The following NCAM2 variants were observed in gnomAD, a reference collection of about 807,000 sequenced individuals.
NCAM2 encodes neural cell adhesion molecule 2, also known as N-CAM-2.
A neutral mutation model predicts 98.1 loss-of-function variants in NCAM2; 30 were observed. The ratio of observed to expected loss-of-function variants is 0.31; its 90% CI spans 0.23 to 0.41. The LOEUF is 0.41. NCAM2 is among the 10% of genes least tolerant of loss of function. NCAM2 has a pLI of 1.00. For missense variants in NCAM2, 867 were observed against 1,005.8 expected (o/e 0.86, Z 1.87); for synonymous variants, 368 against 342.4 (o/e 1.07, Z -0.83).
At position 21,419,359 on chromosome 21, in the gene NCAM2, GA is replaced by G. The variant is rs1487058186; in HGVS notation, c.1480+791del. Among the ~76,000 whole-genome samples, 4 of 87,090 alleles carry G rather than the reference GA, an allele frequency of 4.6e-5. No individual in the cohort carries two copies. In the South Asian group the frequency reaches 1.0e-3, roughly 23 times the overall value. The allele number at this position is 87,090 out of a possible 152,430, so 57.1% of individuals were successfully genotyped here. On this transcript the variant is annotated intron_variant, in intron 11 of 17. Transcript: ENST00000400546. ...AGGAACGGTCATGGTTTTTTTTTTCGATTTTTTTTTATTATTATACTTTAAG... is the reference window on the plus strand; with the variant it reads ...AGGAACGGTCATGGTTTTTTTTTTCGTTTTTTTTTATTATTATACTTTAAG...
At chr21:21,351,058 G>A (rs1016912688) in intron 8 of NCAM2, among the ~76,000 whole-genome samples, 1 of 137,962 alleles carries the variant, frequency 7.2e-6, no homozygotes, top group Non-Finnish European at 1.5e-5. Flanking sequence ...AGGTTGCAGT[G>A]AGCTGAGATC....
intron 8 of NCAM2, among the ~76,000 whole-genome samples, chr21:21,357,902 A>T (rs1344432916): frequency 6.6e-6 from 1 of 152,184 alleles, no homozygotes; most frequent in East Asian, 1.9e-4. Flanking sequence ...TAATTGAAGG[A>T]ACAATAATAT....
chr21:21,448,855 G>A (rs2146117016), intron 12 of NCAM2, among the ~76,000 whole-genome samples: 1 of 152,138 alleles, frequency 6.6e-6, no homozygotes, highest in East Asian at 1.9e-4. Context: ...TTTGCATGTT[G>A]TGGAAAGGTT....
intron 5 of NCAM2, among the ~76,000 whole-genome samples, chr21:21,314,635 C>A (rs527535515): frequency 8.7e-4 from 133 of 152,034 alleles, no homozygotes; most frequent in Non-Finnish European, 1.3e-3. Context: ...CTAAGAAGTT[C>A]CTGAAGTCTA....
chr21:21,272,945 C>CACACACACACACAG (rs1420108870), intron 1 of NCAM2, among the ~76,000 whole-genome samples: 1 of 134,682 alleles, frequency 7.4e-6, no homozygotes, highest in Non-Finnish European at 1.6e-5. Context: ...CACACACACA[C>CACACACACACACAG]ACACACACAC....
intron 9 of NCAM2, among the ~76,000 whole-genome samples, chr21:21,401,004 C>A (rs1448538697): frequency 6.6e-6 from 1 of 151,952 alleles, no homozygotes; most frequent in Non-Finnish European, 1.5e-5. Context: ...CTCCTAAATT[C>A]TTTAAAGAAA....
intron 7 of NCAM2, among the ~76,000 whole-genome samples, chr21:21,336,393 TAAG>T (rs1272086446): frequency 7.3e-6 from 1 of 137,848 alleles, no homozygotes; most frequent in African/African-American, 2.8e-5. Flanking sequence ...TCTGTTAGAA[TAAG>T]AAGGACTGGG....
chr21:21,493,757 C>A (rs977699969), intron 15 of NCAM2, among the ~76,000 whole-genome samples: 1 of 151,900 alleles, frequency 6.6e-6, no homozygotes, highest in Non-Finnish European at 1.5e-5. Flanking sequence ...GACCTTTTTA[C>A]TATTTCCTAG....
At chr21:21,273,709 TATTA>T (rs1480575969) in intron 1 of NCAM2, among the ~76,000 whole-genome samples, 3 of 152,180 alleles carry the variant, frequency 2.0e-5, no homozygotes, top group Non-Finnish European at 4.4e-5. Flanking sequence ...GGATATACTG[TATTA>T]ATTTGAGAGG....
At chr21:21,240,834 CA>C (rs1367714145) in intron 1 of NCAM2, among the ~76,000 whole-genome samples, 2 of 152,040 alleles carry the variant, frequency 1.3e-5, no homozygotes, top group Non-Finnish European at 2.9e-5. Context: ...CCTCTGAAAA[CA>C]ATGGGGATAA....
At chr21:21,466,262 C>T (rs148693900) in intron 12 of NCAM2, among the ~76,000 whole-genome samples, 2 of 152,044 alleles carry the variant, frequency 1.3e-5, no homozygotes, top group Non-Finnish European at 1.5e-5. Context: ...ACTTGAGACA[C>T]ATACAGAATA....
At chr21:21,226,022 T>C (rs1294800464) in intron 1 of NCAM2, among the ~76,000 whole-genome samples, 1 of 152,088 alleles carries the variant, frequency 6.6e-6, no homozygotes, top group Non-Finnish European at 1.5e-5. Context: ...TGGATGCAGC[T>C]GGAGGCCATT....
intron 1 of NCAM2, among the ~76,000 whole-genome samples, chr21:21,274,585 AAT>A (rs2072653482): frequency 6.6e-6 from 1 of 152,220 alleles, no homozygotes; most frequent in South Asian, 2.1e-4. Flanking sequence ...AACATTTTAA[AAT>A]ATGTTTCAAT....
rs904442945 is a variant in NCAM2 at position 21,040,044 on chromosome 21, A to G, written c.55+41426A>G. On this transcript the variant is annotated intron_variant, in intron 1 of 17. Coordinates refer to ENST00000400546, the MANE Select transcript of NCAM2 (RefSeq NM_004540.5). ...TGTTAAGGGCAACCTTCGCTAGCAC[A>G]TTGTAATTCTCTCTACAGTCCTCTA... Among the ~76,000 whole-genome samples the G allele has an allele frequency of 5.3e-5, 8 of 152,290 alleles. No homozygotes were observed. The East Asian group carries it at 1.5e-3, about 29-fold the overall frequency.
chr21:21,102,663 A>G (rs894891590), intron 1 of NCAM2, among the ~76,000 whole-genome samples: 1 of 3,532 alleles, frequency 2.8e-4, no homozygotes, highest in African/African-American at 1.2e-3. Flanking sequence ...TTGTTAACAT[A>G]TGATTTTTTA....
At chr21:21,061,997 T>G (rs895067571) in intron 1 of NCAM2, among the ~76,000 whole-genome samples, 2 of 152,128 alleles carry the variant, frequency 1.3e-5, no homozygotes, top group Non-Finnish European at 2.9e-5. Context: ...ATATGTAGAT[T>G]GTCTAGACAC....
chr21:21,124,178 A>T (rs1198798109), intron 1 of NCAM2, among the ~76,000 whole-genome samples: 1 of 152,150 alleles, frequency 6.6e-6, no homozygotes, highest in Non-Finnish European at 1.5e-5. Flanking sequence ...CAAGTAGATT[A>T]TCTTTGACAA....
intron 5 of NCAM2, among the ~76,000 whole-genome samples, chr21:21,314,123 G>A (rs763248277): frequency 2.0e-5 from 3 of 151,954 alleles, no homozygotes; most frequent in East Asian, 1.9e-4. Flanking sequence ...TGTAACTCAC[G>A]TTTTATTTCT....
chr21:21,250,618 G>T (rs1036016382), intron 1 of NCAM2, among the ~76,000 whole-genome samples: 1 of 152,056 alleles, frequency 6.6e-6, no homozygotes, highest in Non-Finnish European at 1.5e-5. Flanking sequence ...GAATGGTTTC[G>T]CAGAAGTCAT....
Sources: allele counts gnomAD v4.1 joint callset (sites outside exome capture counted in the v4.1 genomes callset), GRCh38; gene constraint gnomAD v4.1.1; transcripts MANE v1.5; gene names NCBI Gene and HGNC (gene_info 2026-07-23, HGNC 2026-07-21).